Variants in CAMTA1 observed in about 807,000 individuals in gnomAD.
The protein encoded by CAMTA1 is calmodulin-binding transcription activator 1.
In CAMTA1, 27 loss-of-function variants were observed where a neutral mutation model predicts 170.9. The observed-to-expected ratio is 0.16, with a 90% confidence interval of 0.12 to 0.22. The LOEUF (loss-of-function observed/expected upper bound fraction) is 0.22. Among genes scored for constraint, CAMTA1 ranks in the 10% least tolerant of loss-of-function variants. CAMTA1 has a pLI of 1.00. For missense variants in CAMTA1, 1,619 were observed against 2,217.2 expected (o/e 0.73, Z 5.42); for synonymous variants, 833 against 891.5 (o/e 0.93, Z 1.17).
intron 6 of CAMTA1, among the ~76,000 whole-genome samples, chr1:7,550,480 C>T (rs1366480065): frequency 6.6e-6 from 1 of 151,926 alleles, no homozygotes; most frequent in South Asian, 2.1e-4. Flanking sequence ...CTCCCTGGCC[C>T]TGGCCACCTG....
rs1470352998 is a variant in CAMTA1, at chr1:7,439,374, T to C, written c.439-28456T>C. 3.3e-5 allele frequency among the ~76,000 whole-genome samples: 5 copies of C among 152,274 alleles called. No homozygotes were observed. The East Asian group carries it at 5.8e-4, about 18-fold the overall frequency. On this transcript the variant is annotated intron_variant, in intron 5 of 22. Coordinates refer to ENST00000303635, the MANE Select transcript of CAMTA1 (RefSeq NM_015215.4). ...CCCCTCCCTGAGACTGTGCAGTGAA[T>C]GAGCCCCCTGCCCCTGCACCACCCA...
chr1:7,540,494 G>A (rs180760265), intron 6 of CAMTA1, among the ~76,000 whole-genome samples: 7 of 152,296 alleles, frequency 4.6e-5, no homozygotes, highest in Non-Finnish European at 8.8e-5. Context: ...GTAGCAGTCC[G>A]GCATCCAGGC....
intron 3 of CAMTA1, among the ~76,000 whole-genome samples, chr1:7,055,814 G>A (rs886884017): frequency 3.3e-5 from 5 of 152,344 alleles, no homozygotes; most frequent in South Asian, 4.1e-4. Context: ...CCCAGGCCAC[G>A]TTCTCCCCTC....
intron 5 of CAMTA1, among the ~76,000 whole-genome samples, chr1:7,303,341 A>G (rs1675077481): frequency 6.6e-6 from 1 of 152,216 alleles, no homozygotes; most frequent in African/African-American, 2.4e-5. Context: ...ATCAAAAACA[A>G]TCTGTTATAA....
intron 4 of CAMTA1, among the ~76,000 whole-genome samples, chr1:7,118,187 A>G (rs1276564973): frequency 6.6e-6 from 1 of 151,664 alleles, no homozygotes; most frequent in East Asian, 1.9e-4. Flanking sequence ...AGATCCAGCC[A>G]CTGTTCTTCT....
chr1:7,192,408 C>G (rs1220686393), intron 4 of CAMTA1, among the ~76,000 whole-genome samples: 4 of 152,208 alleles, frequency 2.6e-5, no homozygotes, highest in Non-Finnish European at 5.9e-5. Context: ...GGGAACATGT[C>G]AGTACTTTAT....
intron 6 of CAMTA1, among the ~76,000 whole-genome samples, chr1:7,638,129 CA>C (rs1346233312): frequency 6.6e-6 from 1 of 152,106 alleles, no homozygotes; most frequent in African/African-American, 2.4e-5. Flanking sequence ...TGACAACATT[CA>C]AAAAAGCAGT....
intron 3 of CAMTA1, among the ~76,000 whole-genome samples, chr1:6,888,702 T>C (rs917116842): frequency 7.9e-5 from 12 of 152,270 alleles, no homozygotes; most frequent in Non-Finnish European, 1.5e-4. Context: ...ACAGAAGTAC[T>C]TTTGTTCCAG....
At chr1:7,666,028 G>C (rs185911343) in intron 9 of CAMTA1, among the ~76,000 whole-genome samples, 2 of 152,076 alleles carry the variant, frequency 1.3e-5, no homozygotes, top group East Asian at 3.9e-4. Context: ...AATTAACTGG[G>C]CGTAGTGGCA....
In CAMTA1 at chr1:7,007,306, C is replaced by G. The variant is rs1327478047; in HGVS notation, c.235-83998C>G. Among the ~76,000 whole-genome samples the G allele has an allele frequency of 6.6e-6, 1 of 152,136 alleles. No individual in the cohort carries two copies. The highest frequency in any genetic ancestry group is 1.5e-5 in the Non-Finnish European group (1 of 68,016). ...ATCATCACTTAACTAAAGCTGAGGCCAGATAGAGGAGACTTGGAAGTGAGG... is the reference window on the plus strand; with the variant it reads ...ATCATCACTTAACTAAAGCTGAGGCGAGATAGAGGAGACTTGGAAGTGAGG... On this transcript the variant is annotated intron_variant, in intron 3 of 22. Transcript: ENST00000303635. This position sits in a 1 kb window ranked among gnomAD's most constrained non-coding sequence, Gnocchi z 4.5.
At chr1:6,841,257 G>A (rs2148693799) in intron 3 of CAMTA1, among the ~76,000 whole-genome samples, 1 of 152,240 alleles carries the variant, frequency 6.6e-6, no homozygotes, top group Admixed American at 6.5e-5. Flanking sequence ...CTATTTTAAG[G>A]TCAGCTGATT....
intron 3 of CAMTA1, among the ~76,000 whole-genome samples, chr1:6,968,276 C>T (rs1691913473): frequency 6.6e-6 from 1 of 152,196 alleles, no homozygotes; most frequent in African/African-American, 2.4e-5. Flanking sequence ...TGTATCGTGG[C>T]TTGCCCTCCG....
chr1:7,316,875 A>G (rs1056788105), intron 5 of CAMTA1, among the ~76,000 whole-genome samples: 1 of 152,130 alleles, frequency 6.6e-6, no homozygotes, highest in African/African-American at 2.4e-5. Context: ...GTGAGTTAGG[A>G]TTCCCCCCAT....
intron 6 of CAMTA1, among the ~76,000 whole-genome samples, chr1:7,492,822 C>CACAA (rs144109978): frequency 0.03 from 4,472 of 147,722 alleles, 204 homozygotes; most frequent in African/African-American, 0.073. Flanking sequence ...CGCACAGACA[C>CACAA]ACAAACATAC....
At chr1:7,219,292 G>A (rs1048365735) in intron 4 of CAMTA1, 1 of 152,018 alleles carries the variant, frequency 6.6e-6, no homozygotes, top group African/African-American at 2.4e-5. Flanking sequence ...GCTGCCAGGG[G>A]TGAGTGTGAT....
chr1:6,957,342 A>T (rs1689632719), intron 3 of CAMTA1, among the ~76,000 whole-genome samples: 1 of 151,766 alleles, frequency 6.6e-6, no homozygotes, highest in African/African-American at 2.4e-5. Context: ...ACTACCATAG[A>T]CTTGGTGGCT....
chr1:7,641,263 C>T lies in CAMTA1; in HGVS notation c.664+710C>T, dbSNP rs2095758380. On this transcript the variant is annotated intron_variant, in intron 7 of 22. Coordinates refer to ENST00000303635, the MANE Select transcript of CAMTA1 (RefSeq NM_015215.4). This position sits in a 1 kb window ranked among gnomAD's most constrained non-coding sequence, Gnocchi z 4.5. ...ACATGGGTCTGGGGCTTTCCTGACC[C>T]AAGAAGAGCATGGGGGCTGTTTAGT... Among the ~76,000 whole-genome samples, 1 of 152,120 alleles carries T rather than the reference C, an allele frequency of 6.6e-6. No homozygotes were observed. Among genetic ancestry groups the T allele is most frequent in the African/African-American group, 2.4e-5 (1 of 41,414 alleles).
intron 19 of CAMTA1, among the ~76,000 whole-genome samples, chr1:7,750,325 GA>G (rs2096887369): frequency 6.6e-6 from 1 of 152,244 alleles, no homozygotes; most frequent in African/African-American, 2.4e-5. Context: ...CAGTTAGGCA[GA>G]TACAGGGATT....
chr1:7,414,100 A>T (rs2149274739), intron 5 of CAMTA1, among the ~76,000 whole-genome samples: 1 of 152,338 alleles, frequency 6.6e-6, no homozygotes, highest in Non-Finnish European at 1.5e-5. Context: ...CATCCCAGGG[A>T]TGAAGCCCAC....
Sources: gnomAD v4.1 joint callset for allele counts (sites outside exome capture counted in the v4.1 genomes callset) on GRCh38, gnomAD v4.1.1 for gene constraint, Gnocchi (gnomAD v3.1) non-coding constraint, MANE v1.5 for transcripts, NCBI Gene and HGNC (gene_info 2026-07-23, HGNC 2026-07-21) for gene names.